HIVEP3: variants seen among roughly 807,000 people sequenced by gnomAD.
HIVEP3 encodes the protein HIVEP zinc finger 3.
HIVEP3 carries 49 observed loss-of-function variants against 152.8 expected under a neutral mutation model. The ratio of observed to expected loss-of-function variants is 0.32; its 90% CI spans 0.26 to 0.41. HIVEP3 has a LOEUF of 0.41. HIVEP3 is among the 10% of genes least tolerant of loss of function. HIVEP3 has a pLI of 1.00. For synonymous variants in HIVEP3, 1,269 were observed against 1,289.0 expected, an observed-to-expected ratio of 0.98 and a Z score of 0.33; for missense variants, 2,790 against 3,103.3, an observed-to-expected ratio of 0.90 and a Z score of 2.40.
chr1:41,787,762 T>G (rs192036874), intron 1 of HIVEP3, among the ~76,000 whole-genome samples: 2 of 152,040 alleles, frequency 1.3e-5, no homozygotes, highest in Non-Finnish European at 2.9e-5. Flanking sequence ...CTCAGACTTC[T>G]GGGCTCAAGC....
chr1:41,617,176 A>G (rs547461709), intron 3 of HIVEP3, among the ~76,000 whole-genome samples: 1 of 152,176 alleles, frequency 6.6e-6, no homozygotes, highest in Non-Finnish European at 1.5e-5. Context: ...TTAAGTTTGT[A>G]TATTTTTTGT....
chr1:41,799,329 G>T lies in HIVEP3; in HGVS notation c.-800-98334C>A, dbSNP rs77230604. 8.4e-3 allele frequency among the ~76,000 whole-genome samples: 1,282 copies of T among 151,988 alleles called. 8 individuals are homozygous for T. Among genetic ancestry groups the T allele is most frequent in the Non-Finnish European group, 0.015 (1,000 of 67,992 alleles). ...CCTCTCTCTTATACCTCTGACATTC[G>T]CCCTAGAACTGTTTGTGGTTCCTTA... On this transcript the variant is annotated intron_variant, in intron 1 of 8. Transcript: ENST00000372583.
At chr1:41,993,286 C>A (rs1170939053) in intron 1 of HIVEP3, among the ~76,000 whole-genome samples, 2 of 151,616 alleles carry the variant, frequency 1.3e-5, no homozygotes, top group Non-Finnish European at 2.9e-5. Context: ...CTACAATGAA[C>A]TCAAACAAAT....
At chr1:41,820,579 T>G (rs1642566561) in intron 1 of HIVEP3, among the ~76,000 whole-genome samples, 1 of 152,252 alleles carries the variant, frequency 6.6e-6, no homozygotes, top group Non-Finnish European at 1.5e-5. Context: ...TTCAGCTTTC[T>G]TTTGGTAGTG....
chr1:42,035,558 G>A (rs963405547), intron 1 of HIVEP3, among the ~76,000 whole-genome samples: 2 of 152,146 alleles, frequency 1.3e-5, no homozygotes, highest in Non-Finnish European at 2.9e-5. Flanking sequence ...TTGTGTAATC[G>A]GCCCGGGAAG....
At chr1:41,741,198 C>CA (rs1646991705) in intron 1 of HIVEP3, among the ~76,000 whole-genome samples, 1 of 152,128 alleles carries the variant, frequency 6.6e-6, no homozygotes, top group Admixed American at 6.5e-5. Context: ...TGTTTGCTTT[C>CA]AAAAAAGGAG....
At chr1:41,720,387 C>T (rs6698845) in intron 1 of HIVEP3, among the ~76,000 whole-genome samples, 12,907 of 152,230 alleles carry the variant, frequency 0.085, 1,490 homozygotes, top group African/African-American at 0.25. Context: ...CGGGAATAGC[C>T]TTGGGTCTGT....
chr1:41,834,266 T>A (rs542480544), intron 1 of HIVEP3, among the ~76,000 whole-genome samples: 1 of 152,220 alleles, frequency 6.6e-6, no homozygotes, highest in South Asian at 2.1e-4. Flanking sequence ...GACATCTTCA[T>A]TGACACCCCC....
At chr1:41,888,132 T>G (rs541061681) in intron 1 of HIVEP3, among the ~76,000 whole-genome samples, 4 of 150,090 alleles carry the variant, frequency 2.7e-5, no homozygotes, top group African/African-American at 9.8e-5. Context: ...GCCTCCTGGG[T>G]TCACGCCATT....
chr1:41,696,640 G>A (rs1646280849), intron 2 of HIVEP3, among the ~76,000 whole-genome samples: 1 of 152,230 alleles, frequency 6.6e-6, no homozygotes, highest in Non-Finnish European at 1.5e-5. Context: ...AGCTGTGGCA[G>A]CTGCTGCCTC....
chr1:41,728,547 C>T (rs762109726), intron 1 of HIVEP3, among the ~76,000 whole-genome samples: 4 of 152,136 alleles, frequency 2.6e-5, no homozygotes, highest in African/African-American at 9.7e-5. Flanking sequence ...GGGCCAAAGG[C>T]GATATGCTTG....
intron 1 of HIVEP3, among the ~76,000 whole-genome samples, chr1:41,861,585 G>GA (rs2124399297): frequency 6.6e-6 from 1 of 152,350 alleles, no homozygotes; most frequent in African/African-American, 2.4e-5. Context: ...GATGTGGGGA[G>GA]ACTGTGAGCG....
At chr1:41,585,611 C>T (rs1644493037) in intron 3 of HIVEP3, among the ~76,000 whole-genome samples, 1 of 152,158 alleles carries the variant, frequency 6.6e-6, no homozygotes, top group Non-Finnish European at 1.5e-5. Context: ...AAAGTGGGCT[C>T]TGGGAACTGC....
intron 1 of HIVEP3, among the ~76,000 whole-genome samples, chr1:41,944,016 C>T (rs1645061621): frequency 6.6e-6 from 1 of 152,152 alleles, no homozygotes; most frequent in African/African-American, 2.4e-5. Flanking sequence ...ATAAGTCAGT[C>T]ACAAAATAAC....
rs551779530 is a variant in HIVEP3 at position 41,660,038 on chromosome 1, G to T, written c.-720-31091C>A. Among the ~76,000 whole-genome samples, 9 of 152,362 alleles carry T rather than the reference G, an allele frequency of 5.9e-5. No individual in the cohort carries two copies. In the South Asian group the frequency reaches 1.7e-3, roughly 28 times the overall value. On this transcript the variant is annotated intron_variant, in intron 2 of 8. Transcript: ENST00000372583. ...CATAAGTGAGAGTGCATGGGAGTGG[G>T]TGTGTGTAGAGGAGCAGGGTTGTGT...
chr1:41,955,191 A>G (rs757578135), intron 1 of HIVEP3, among the ~76,000 whole-genome samples: 5 of 152,182 alleles, frequency 3.3e-5, no homozygotes, highest in Non-Finnish European at 5.9e-5. Flanking sequence ...TGAAAGAAAT[A>G]AAGTAACTTA....
In HIVEP3 at chr1:41,942,877, T is replaced by C. The variant is rs544844499; in HGVS notation, n.120-24353A>G. ...ACTTTTTAATATAAACAGGAAGATATATACATATTTGTTTATATTTTCTTT... is the reference window on the plus strand; with the variant it reads ...ACTTTTTAATATAAACAGGAAGATACATACATATTTGTTTATATTTTCTTT... On this transcript the variant is annotated intron_variant and non_coding_transcript_variant, in intron 1 of 3. Transcript: ENST00000489103. Among the ~76,000 whole-genome samples, 59 of 152,178 alleles carry C rather than the reference T, an allele frequency of 3.9e-4. No homozygotes were observed. The South Asian group carries it at 0.012, about 31-fold the overall frequency.
intron 1 of HIVEP3, among the ~76,000 whole-genome samples, chr1:41,737,196 A>G (rs1201099528): frequency 2.0e-5 from 3 of 152,192 alleles, no homozygotes; most frequent in Non-Finnish European, 4.4e-5. Flanking sequence ...GTGGGCTCAG[A>G]AAAGCTGCTT....
intron 2 of HIVEP3, among the ~76,000 whole-genome samples, chr1:41,635,141 A>G (rs1210363482): frequency 6.6e-6 from 1 of 152,220 alleles, no homozygotes; most frequent in Non-Finnish European, 1.5e-5. Context: ...ATAGCAAAAA[A>G]TAAAAATACA....
Sources: gnomAD v4.1 joint callset for allele counts (sites outside exome capture counted in the v4.1 genomes callset) on GRCh38, gnomAD v4.1.1 for gene constraint, MANE v1.5 for transcripts, NCBI Gene and HGNC (gene_info 2026-07-23, HGNC 2026-07-21) for gene names.